The following FNBP4 variants were observed in gnomAD, a reference collection of about 807,000 sequenced individuals.
FNBP4 encodes the protein formin binding protein 4, also known as formin-binding protein 4.
A neutral mutation model predicts 119.3 loss-of-function variants in FNBP4; 34 were observed. The observed-to-expected ratio is 0.28, with a 90% CI of 0.22 to 0.38. The LOEUF (loss-of-function observed/expected upper bound fraction) is 0.38. FNBP4 is among the 10% of genes least tolerant of loss of function. The pLI is 1.00. For synonymous variants in FNBP4, 462 were observed against 430.6 expected, an observed-to-expected ratio of 1.07 and a Z score of -0.90; for missense variants, 1,112 against 1,228.9, an observed-to-expected ratio of 0.90 and a Z score of 1.42.
intron 6 of FNBP4, among the ~76,000 whole-genome samples, chr11:47,750,174 T>C (rs559550834): frequency 6.7e-6 from 1 of 148,886 alleles, no homozygotes; most frequent in African/African-American, 2.5e-5. Flanking sequence ...AGGTCAGGAG[T>C]TTGAGACCAG....
intron 11 of FNBP4, chr11:47,731,797 A>G (rs2097567724): frequency 8.2e-7 from 1 of 1,221,668 alleles, no homozygotes. Flanking sequence ...TCTCACTCCA[A>G]CAGATGAGAC....
intron 2 of FNBP4, among the ~76,000 whole-genome samples, chr11:47,755,425 G>A (rs2097614906): frequency 6.6e-6 from 1 of 151,716 alleles, no homozygotes; most frequent in Admixed American, 6.6e-5. Context: ...CTCCAGCCTG[G>A]GCAACAACAG....
intron 1 of FNBP4, 155 bp downstream of exon 1, chr11:47,766,914 G>T: frequency 1.5e-6 from 2 of 1,338,186 alleles, no homozygotes; most frequent in East Asian, 6.3e-5. Flanking sequence ...CCCTTCTGCG[G>T]CCCGGAGCCC....
At chr11:47,743,866 T>C (rs1373876554) in intron 8 of FNBP4, 87 bp downstream of exon 8, 2 of 1,201,756 alleles carry the variant, frequency 1.7e-6, no homozygotes, top group Non-Finnish European at 2.4e-6. Context: ...AATCTCCTGT[T>C]TTGTTGAAGA....
In FNBP4 at chr11:47,716,513, C is replaced by A. The variant is rs2097549974; in HGVS notation, c.*909G>T. ...CAGGAGTTGACGAGCAAAAGGATAA[C>A]CCATCAGGATTATAAAAAAAGCTTT... On this transcript the variant is annotated 3_prime_UTR_variant, in exon 17 of 17. Transcript: ENST00000263773. 1.3e-5 allele frequency: 2 copies of A among 152,364 alleles called. No homozygotes were observed. The highest frequency in any genetic ancestry group is 1.3e-4 in the Admixed American group (2 of 15,244). The allele number at this position is 152,364 out of a possible 1,614,324, so 9.4% of individuals were successfully genotyped here.
intron 12 of FNBP4, chr11:47,726,272 T>C (rs1327823535): frequency 1.3e-5 from 2 of 152,218 alleles, no homozygotes; most frequent in African/African-American, 4.8e-5. Flanking sequence ...TCTTGCTCTG[T>C]TGCCCAGGCT....
chr11:47,736,927 C>A (rs192543092), intron 8 of FNBP4, among the ~76,000 whole-genome samples, 187 bp from the exon 9 acceptor site: 1 of 152,238 alleles, frequency 6.6e-6, no homozygotes, highest in East Asian at 1.9e-4. Flanking sequence ...AATTCAGGGC[C>A]GGGCACAGTG....
intron 12 of FNBP4, chr11:47,726,478 T>C (rs775516886): frequency 1.1e-4 from 17 of 150,832 alleles, no homozygotes; most frequent in Non-Finnish European, 2.2e-4. Context: ...AATAGAGTAG[T>C]TTTACTTTTT....
At chr11:47,720,517 G>A (rs956822913) in intron 15 of FNBP4, among the ~76,000 whole-genome samples, 7 of 151,832 alleles carry the variant, frequency 4.6e-5, no homozygotes, top group African/African-American at 1.5e-4. Context: ...GCAGTGAGCC[G>A]AGATCACCAC....
chr11:47,731,983 T>C (rs2097567994), intron 11 of FNBP4: 1 of 994,422 alleles, frequency 1.0e-6, no homozygotes, highest in Non-Finnish European at 1.2e-6. Context: ...CATTTCATAT[T>C]CTTGATATCA....
At position 47,734,046 on chromosome 11, in the gene FNBP4, A is replaced by G. The variant is rs767024645; in HGVS notation, c.1665T>C (p.His555=). ...GINRQSISNF[H]VLLLQTETRI... ...TTACCTCAGTCTGTAAGAGCAGCAC[A>G]TGAAAGTTGGAGATGGATTGTCTAT... The change falls in exon 10 of 17, where the codon CAT becomes CAC. Residue 555 remains histidine, a synonymous_variant. Coordinates refer to ENST00000263773, the MANE Select transcript of FNBP4 (RefSeq NM_015308.5). 5.7e-6 allele frequency: 9 copies of G among 1,576,496 alleles called. No homozygotes were observed. In the South Asian group the frequency reaches 9.5e-5, roughly 17 times the overall value.
chr11:47,731,558 A>G lies in FNBP4; in HGVS notation c.1824T>C (p.Asp608=), dbSNP rs751344632. The change falls in exon 12 of 17, where the codon GAT becomes GAC. Residue 608 remains aspartate, a synonymous_variant. Coordinates refer to ENST00000263773, the MANE Select transcript of FNBP4 (RefSeq NM_015308.5). ...CGTTTACATAGAAATACCGTCTATGATCCCTAAATTACAAGAAAGAAAACA... is the reference window on the plus strand; with the variant it reads ...CGTTTACATAGAAATACCGTCTATGGTCCCTAAATTACAAGAAAGAAAACA... ...PKGWSCHWDR[D]HRRYFYVNEQ... is the part of the protein sequence containing the mutation. 6 of 1,599,192 alleles carry G rather than the reference A, an allele frequency of 3.8e-6. No individual in the cohort carries two copies. The South Asian group carries it at 6.8e-5, about 18-fold the overall frequency.
chr11:47,747,923 G>A (rs182264557), intron 6 of FNBP4, among the ~76,000 whole-genome samples: 2 of 151,416 alleles, frequency 1.3e-5, no homozygotes, highest in African/African-American at 2.4e-5. Flanking sequence ...ACTCCAGCTC[G>A]GATGACAGTG....
At chr11:47,720,497 G>A (rs1446790786) in intron 15 of FNBP4, among the ~76,000 whole-genome samples, 1 of 150,854 alleles carries the variant, frequency 6.6e-6, no homozygotes, top group Non-Finnish European at 1.5e-5. Context: ...GAACCTGGGA[G>A]GCGGATCTTG....
chr11:47,722,765 A>G (rs957015003), intron 15 of FNBP4, among the ~76,000 whole-genome samples: 7 of 151,716 alleles, frequency 4.6e-5, no homozygotes, highest in Non-Finnish European at 7.4e-5. Context: ...TAATTTTTGT[A>G]TTTTTAGTAG....
chr11:47,759,373 G>A (rs2097627856), intron 2 of FNBP4, among the ~76,000 whole-genome samples: 1 of 148,822 alleles, frequency 6.7e-6, no homozygotes, highest in Admixed American at 6.7e-5. Flanking sequence ...CACCACGCCT[G>A]GCTAATTTTT....
chr11:47,731,379 G>C lies in FNBP4; in HGVS notation c.2003C>G (p.Ser668Cys), dbSNP rs368336118. ...TACAAGGTAAATTGTCTCACCTGTG[G>C]AAGTTTCAGAGGATTCTGTTGAATT... is the stretch of plus-strand genomic sequence containing the variant. ...DSNSTESSET[S>C]TGSLCKESFS... is the part of the protein sequence containing the mutation. The change falls in exon 12 of 17, where the codon TCC becomes TGC. Residue 668 changes from serine (S) to cysteine (C), a missense_variant. Transcript: ENST00000263773. The C allele has an allele frequency of 6.2e-7, 1 of 1,609,072 alleles. No homozygotes were observed. Among genetic ancestry groups the C allele is most frequent in the Non-Finnish European group, 8.5e-7 (1 of 1,178,344 alleles).
At chr11:47,728,352 C>T (rs111315477) in intron 12 of FNBP4, among the ~76,000 whole-genome samples, 3,405 of 147,956 alleles carry the variant, frequency 0.023, 145 homozygotes, top group African/African-American at 0.081. Context: ...TGGGTTCAAG[C>T]GATTCTCCTG....
intron 2 of FNBP4, among the ~76,000 whole-genome samples, chr11:47,763,597 T>G (rs982029148): frequency 6.6e-6 from 1 of 151,828 alleles, no homozygotes; most frequent in African/African-American, 2.4e-5. Flanking sequence ...GCCTCCCGGG[T>G]TCACGCCATT....
Sources: gnomAD v4.1 joint callset for allele counts (sites outside exome capture counted in the v4.1 genomes callset) on GRCh38, gnomAD v4.1.1 for gene constraint, MANE v1.5 for transcripts, NCBI Gene and HGNC (gene_info 2026-07-23, HGNC 2026-07-21) for gene names.